DPYD: variants seen among roughly 807,000 people sequenced by gnomAD.
DPYD encodes the protein dihydropyrimidine dehydrogenase, also known as dihydropyrimidine dehydrogenase [NADP(+)].
Under a neutral mutation model 116.2 loss-of-function variants are expected in DPYD, and 109 were observed. That is an observed-to-expected ratio of 0.94 (90% CI 0.80 to 1.10). DPYD has a LOEUF of 1.10. DPYD is among the 50% of genes least tolerant of loss of function. The pLI is 0.00. For missense variants in DPYD, 1,302 were observed against 1,254.5 expected (o/e 1.04, Z -0.57); for synonymous variants, 440 against 432.0 (o/e 1.02, Z -0.23).
rs183758005 is a variant in DPYD at position 97,244,823 on chromosome 1, C to A, written c.2300-9829G>T. Among the ~76,000 whole-genome samples the A allele has an allele frequency of 1.1e-4, 16 of 152,102 alleles. No individual in the cohort carries two copies. The East Asian group carries it at 2.1e-3, about 20-fold the overall frequency. On this transcript the variant is annotated intron_variant, in intron 18 of 22. Coordinates refer to ENST00000370192, the MANE Select transcript of DPYD (RefSeq NM_000110.4). ...AAAGTAGAGTTATTGAGGAAACGCA[C>A]AAATGGTTTTACATCGCAGCTAGTA...
At chr1:97,430,931 GA>G (rs925349466) in intron 14 of DPYD, among the ~76,000 whole-genome samples, 12 of 150,648 alleles carry the variant, frequency 8.0e-5, no homozygotes, top group Middle Eastern at 6.8e-3. Context: ...CCTGAGTTCA[GA>G]AGGAAAAAAA....
intron 20 of DPYD, among the ~76,000 whole-genome samples, chr1:97,117,111 C>A (rs540580422): frequency 6.6e-6 from 1 of 151,806 alleles, no homozygotes; most frequent in East Asian, 1.9e-4. Context: ...TTGCAGTGAG[C>A]AGAGATCACA....
chr1:97,283,217 T>C (rs1273006016), intron 18 of DPYD, among the ~76,000 whole-genome samples: 3 of 152,176 alleles, frequency 2.0e-5, no homozygotes, highest in Admixed American at 6.5e-5. Context: ...CCATTGATTA[T>C]CTGTTTAATA....
intron 1 of DPYD, among the ~76,000 whole-genome samples, chr1:97,890,831 T>A (rs1271783225): frequency 1.3e-5 from 2 of 152,000 alleles, no homozygotes; most frequent in Admixed American, 6.6e-5. Flanking sequence ...TTTATCTATG[T>A]CAGCATAGCA....
chr1:97,290,977 A>G (rs1441630296), intron 18 of DPYD, among the ~76,000 whole-genome samples: 3 of 152,086 alleles, frequency 2.0e-5, no homozygotes, highest in African/African-American at 4.8e-5. Flanking sequence ...AATGAACTCA[A>G]ACAAATTTAC....
At chr1:97,880,448 T>C (rs1376720039) in intron 2 of DPYD, among the ~76,000 whole-genome samples, 3 of 151,754 alleles carry the variant, frequency 2.0e-5, no homozygotes, top group East Asian at 1.9e-4. Flanking sequence ...TAATAACAAA[T>C]ACGTAAGGAG....
chr1:97,349,601 G>T (rs1345648758), intron 16 of DPYD, among the ~76,000 whole-genome samples: 6 of 152,018 alleles, frequency 3.9e-5, no homozygotes, highest in African/African-American at 1.4e-4. Context: ...GCGGTGTTTG[G>T]TTTTTTGTCC....
At chr1:97,845,726 C>G (rs186616040) in intron 2 of DPYD, among the ~76,000 whole-genome samples, 10 of 152,298 alleles carry the variant, frequency 6.6e-5, no homozygotes, top group Admixed American at 2.0e-4. Context: ...GAGAGGAGAG[C>G]TGTGGCCCTT....
At chr1:97,884,392 A>G (rs1202927665) in intron 1 of DPYD, among the ~76,000 whole-genome samples, 1 of 152,098 alleles carries the variant, frequency 6.6e-6, no homozygotes, top group Non-Finnish European at 1.5e-5. Context: ...ACAGCTGAAG[A>G]AAAGCCTGGA....
rs148628685 is a variant in DPYD, at chr1:97,159,615, A to C, written c.2622+33454T>G. Among the ~76,000 whole-genome samples the C allele has an allele frequency of 3.8e-3, 574 of 152,180 alleles. 7 individuals carry two copies. The highest frequency in any genetic ancestry group is 0.013 in the African/African-American group (553 of 41,558). The stretch of plus-strand genomic sequence containing the variant: ...ACCCACAGAAGCTTAAGGTAGATAA[A>C]TAAAGGTTTCTAACATTTTAATAAT... On this transcript the variant is annotated intron_variant, in intron 20 of 22. Transcript: ENST00000370192.
At chr1:97,164,998 GC>G (rs1481080954) in intron 20 of DPYD, among the ~76,000 whole-genome samples, 1 of 151,902 alleles carries the variant, frequency 6.6e-6, no homozygotes, top group Non-Finnish European at 1.5e-5. Flanking sequence ...GTGAGCCACT[GC>G]GCCCAGCCAC....
chr1:97,583,481 G>A (rs541162438), intron 10 of DPYD, among the ~76,000 whole-genome samples: 17 of 152,140 alleles, frequency 1.1e-4, no homozygotes, highest in East Asian at 1.9e-4. Flanking sequence ...ACAAAACTAC[G>A]TTCTGTGTAA....
At chr1:97,086,555 G>C (rs1649536304) in intron 21 of DPYD, among the ~76,000 whole-genome samples, 1 of 152,070 alleles carries the variant, frequency 6.6e-6, no homozygotes, top group Admixed American at 6.5e-5. Context: ...TAGCATGTTA[G>C]CTGTTCTTTC....
intron 19 of DPYD, among the ~76,000 whole-genome samples, chr1:97,205,205 G>A (rs1659505161): frequency 1.3e-5 from 2 of 152,008 alleles, no homozygotes; most frequent in Non-Finnish European, 2.9e-5. Flanking sequence ...TCTTTGCATT[G>A]TACCTTTCTA....
At chr1:97,463,190 C>T (rs879315361) in intron 13 of DPYD, among the ~76,000 whole-genome samples, 12 of 152,118 alleles carry the variant, frequency 7.9e-5, no homozygotes, top group Non-Finnish European at 1.3e-4. Context: ...CTTGAATTCT[C>T]GAATGTTGAG....
In DPYD at chr1:97,793,552, T is replaced by C. The variant is rs188566467; in HGVS notation, c.233+34562A>G. On this transcript the variant is annotated intron_variant, in intron 3 of 22. Coordinates refer to ENST00000370192, the MANE Select transcript of DPYD (RefSeq NM_000110.4). ...AAGTCCAGAAAGAGACCCACAAATA[T>C]ACTGACAACTGGTTTTCATAAAAGT... is the stretch of plus-strand genomic sequence containing the variant. Among the ~76,000 whole-genome samples, 7 of 152,100 alleles carry C rather than the reference T, an allele frequency of 4.6e-5. No homozygotes were observed. The East Asian group carries it at 1.4e-3, about 29-fold the overall frequency.
At chr1:97,417,258 T>C (rs1307181145) in intron 14 of DPYD, among the ~76,000 whole-genome samples, 3 of 152,176 alleles carry the variant, frequency 2.0e-5, no homozygotes, top group Non-Finnish European at 2.9e-5. Context: ...TAGTGAATTG[T>C]TGAGTTGGTT....
intron 3 of DPYD, among the ~76,000 whole-genome samples, chr1:97,811,568 C>A (rs1413959691): frequency 3.3e-5 from 5 of 152,106 alleles, no homozygotes; most frequent in Non-Finnish European, 5.9e-5. Context: ...AAGAAAACCT[C>A]TAAAATGTCA....
chr1:97,208,233 CTCTT>C (rs1291509595), intron 19 of DPYD, among the ~76,000 whole-genome samples: 1 of 128,410 alleles, frequency 7.8e-6, no homozygotes, highest in African/African-American at 2.9e-5. Flanking sequence ...TCTTTTCTTT[CTCTT>C]TCTTCTTTCT....
Sources: allele counts gnomAD v4.1 joint callset (sites outside exome capture counted in the v4.1 genomes callset), GRCh38; gene constraint gnomAD v4.1.1; transcripts MANE v1.5; gene names NCBI Gene and HGNC (gene_info 2026-07-23, HGNC 2026-07-21).